The following AIM2 variants were observed in gnomAD, a reference collection of about 807,000 sequenced individuals.
AIM2 encodes interferon-inducible protein AIM2.
In AIM2, 30 loss-of-function variants were observed where a neutral mutation model predicts 27.7. That is an observed-to-expected ratio of 1.08 (90% CI 0.81 to 1.47). The LOEUF (loss-of-function observed/expected upper bound fraction) is 1.47. AIM2 is among the 40% of genes most tolerant of loss of function. AIM2 has a pLI of 0.00. For synonymous variants in AIM2, 141 were observed against 145.3 expected (o/e 0.97, Z 0.21); for missense variants, 358 against 411.3 (o/e 0.87, Z 1.12).
At chr1:159,059,472 C>T (rs914574927), downstream of AIM2, among the ~76,000 whole-genome samples, 1 of 152,180 alleles carries the variant, frequency 6.6e-6, no homozygotes, top group Admixed American at 6.5e-5. Context: ...TAGTTAGGAA[C>T]AGATGCCATA....
At chr1:159,124,496 C>A (rs577152582) in intron 1 of AIM2, among the ~76,000 whole-genome samples, 36 of 152,264 alleles carry the variant, frequency 2.4e-4, no homozygotes, top group African/African-American at 8.4e-4. Context: ...ACTCTGTAAT[C>A]TTTACTATTC....
chr1:159,133,726 A>C (rs1647953657), intron 1 of AIM2, among the ~76,000 whole-genome samples: 1 of 152,154 alleles, frequency 6.6e-6, no homozygotes, highest in Admixed American at 6.5e-5. Context: ...AGAAATTATA[A>C]TATTCTGCTT....
chr1:159,074,183 A>G (rs764909356), intron 1 of AIM2, among the ~76,000 whole-genome samples: 3 of 152,232 alleles, frequency 2.0e-5, no homozygotes, highest in Admixed American at 1.3e-4. Context: ...GCATATACAT[A>G]TACCTGATGA....
At chr1:159,141,744 G>C (rs1246913920), upstream of AIM2, among the ~76,000 whole-genome samples, 1 of 151,904 alleles carries the variant, frequency 6.6e-6, no homozygotes, top group South Asian at 2.1e-4. Flanking sequence ...CTGCATCACC[G>C]AGCCATCTCA....
chr1:159,091,569 A>G (rs76457189), intron 1 of AIM2, among the ~76,000 whole-genome samples: 8,095 of 152,290 alleles, frequency 0.053, 541 homozygotes, highest in East Asian at 0.31. Context: ...ATATACTTAC[A>G]AAGTGCAATC....
At chr1:159,145,578 T>G (rs1648186602) in intron 1 of AIM2, among the ~76,000 whole-genome samples, 1 of 152,166 alleles carries the variant, frequency 6.6e-6, no homozygotes, top group Non-Finnish European at 1.5e-5. Flanking sequence ...CCATTCCAAG[T>G]CTAGCCCAGT....
intron 1 of AIM2, among the ~76,000 whole-genome samples, chr1:159,087,725 A>T (rs1377097448): frequency 1.3e-5 from 2 of 151,892 alleles, no homozygotes; most frequent in Non-Finnish European, 2.9e-5. Context: ...AGTGCCCACC[A>T]CCACGCCCAG....
chr1:159,075,410 AAAATTTGTC>A (rs1408372351), intron 1 of AIM2, among the ~76,000 whole-genome samples: 1 of 152,092 alleles, frequency 6.6e-6, no homozygotes, highest in East Asian at 1.9e-4. Context: ...CCAGAAAAAA[AAAATTTGTC>A]AAATGTGATT....
chr1:159,120,083 T>C (rs1557911733), intron 1 of AIM2, among the ~76,000 whole-genome samples: 1 of 152,154 alleles, frequency 6.6e-6, no homozygotes, highest in Non-Finnish European at 1.5e-5. Flanking sequence ...TTTGTTTCTA[T>C]ATTTATTTCT....
chr1:159,056,531 A>G, the AIM2 span, among the ~76,000 whole-genome samples: 1 of 151,970 alleles, frequency 6.6e-6, no homozygotes, highest in Non-Finnish European at 1.5e-5. Flanking sequence ...AAGGGTTCCC[A>G]GCAGAATGGG....
At chr1:159,141,426 A>T (rs1648107492), upstream of AIM2, among the ~76,000 whole-genome samples, 1 of 152,226 alleles carries the variant, frequency 6.6e-6, no homozygotes, top group Non-Finnish European at 1.5e-5. Flanking sequence ...CTACTAGACA[A>T]TGAAAATCTG....
At position 159,068,603 on chromosome 1, in the gene AIM2, G is replaced by T. The variant is rs769408008; in HGVS notation, c.361C>A (p.Gln121Lys). The change falls in exon 3 of 6, where the codon CAA (glutamine) becomes AAA (lysine). Residue 121 changes from glutamine to lysine, a missense_variant. Gln to Lys is a moderately conservative substitution (Grantham distance 53, BLOSUM62 1). Coordinates refer to ENST00000368130, the MANE Select transcript of AIM2 (RefSeq NM_004833.3). Reference protein sequence around the residue: ...SAAIRNDVAKQRAAPKVSPHV... With the variant: ...SAAIRNDVAKKRAAPKVSPHV... The stretch of plus-strand genomic sequence containing the variant: ...GGAGAGACTTTTGGTGCAGCACGTT[G>T]CTTTGCGACATCATTTCTGATGGCT... The T allele has an allele frequency of 8.1e-6, 13 of 1,613,710 alleles. No homozygotes were observed. The highest frequency in any genetic ancestry group is 5.1e-6 in the Non-Finnish European group (6 of 1,179,878).
intron 1 of AIM2, among the ~76,000 whole-genome samples, chr1:159,118,615 T>C (rs1411583512): frequency 6.6e-6 from 1 of 152,220 alleles, no homozygotes; most frequent in Non-Finnish European, 1.5e-5. Flanking sequence ...GGACTCATTC[T>C]AATAGAATAT....
upstream of AIM2, among the ~76,000 whole-genome samples, chr1:159,141,369 C>T (rs1244494477): frequency 2.0e-5 from 3 of 152,090 alleles, no homozygotes; most frequent in African/African-American, 7.2e-5. Flanking sequence ...GATTCAAATG[C>T]TATGTCAGTC....
upstream of AIM2, among the ~76,000 whole-genome samples, chr1:159,078,302 C>T (rs1656684110): frequency 6.6e-6 from 1 of 152,220 alleles, no homozygotes; most frequent in South Asian, 2.1e-4. Context: ...TGGCTCACTG[C>T]ATCCACTTCA....
rs28532137 is a variant in AIM2 at position 159,086,506 on chromosome 1, C to T, written c.-15-20177G>A. ...TCTGCACATACCTCGCCCTCTACTTCTCCTCCCCCATCTGGCTAATTCTTA... is the reference window on the plus strand; with the variant it reads ...TCTGCACATACCTCGCCCTCTACTTTTCCTCCCCCATCTGGCTAATTCTTA... On this transcript the variant is annotated intron_variant, in intron 1 of 2. Coordinates refer to the AIM2 transcript ENST00000368129. Among the ~76,000 whole-genome samples, 22 of 152,314 alleles carry T rather than the reference C, an allele frequency of 1.4e-4. No individual in the cohort carries two copies. In the South Asian group the frequency reaches 4.1e-3, roughly 29 times the overall value.
At chr1:159,143,581 TACACACACACACACAC>T (rs6143439), upstream of AIM2, among the ~76,000 whole-genome samples, 1,865 of 144,154 alleles carry the variant, frequency 0.013, 16 homozygotes, top group South Asian at 0.02. Flanking sequence ...GCTCAGTGTG[TACACACACACACACAC>T]ACACACACAC....
chr1:159,141,730 C>T (rs1309220966), upstream of AIM2, among the ~76,000 whole-genome samples: 4 of 152,012 alleles, frequency 2.6e-5, no homozygotes, highest in African/African-American at 7.3e-5. Context: ...AAAGCACATA[C>T]CTTCTGCATC....
At chr1:159,100,350 T>G (rs897481076) in intron 1 of AIM2, among the ~76,000 whole-genome samples, 1 of 152,218 alleles carries the variant, frequency 6.6e-6, no homozygotes, top group Admixed American at 6.5e-5. Context: ...ATCTTTATTT[T>G]TCTGGTACTC....
Sources: gnomAD v4.1 joint callset for allele counts (sites outside exome capture counted in the v4.1 genomes callset) on GRCh38, gnomAD v4.1.1 for gene constraint, MANE v1.5 for transcripts, NCBI Gene and HGNC (gene_info 2026-07-23, HGNC 2026-07-21) for gene names.